Variants in RUNX1 observed in about 807,000 individuals in gnomAD.
RUNX1 encodes runt-related transcription factor 1.
RUNX1 carries 19 observed loss-of-function variants against 42.8 expected under a neutral mutation model. The ratio of observed to expected loss-of-function variants is 0.44; its 90% CI spans 0.31 to 0.65. The LOEUF (loss-of-function observed/expected upper bound fraction) is 0.65, where lower values mean the gene tolerates loss of function less well. RUNX1 is among the 30% of genes least tolerant of loss of function. RUNX1 has a pLI of 0.07. For synonymous variants in RUNX1, 271 were observed against 289.4 expected, an observed-to-expected ratio of 0.94 and a Z score of 0.64; for missense variants, 528 against 672.0, an observed-to-expected ratio of 0.79 and a Z score of 2.37.
rs2058752295 is a variant in RUNX1 at position 34,970,123 on chromosome 21, CTTTTTCATGCCTTCAGATAAGACT to C, written c.59-77184_59-77161del. On this transcript the variant is annotated intron_variant, in intron 2 of 8. Transcript: ENST00000675419. The stretch of plus-strand genomic sequence containing the variant: ...TTTATGTGGGCTACGGTATTTAACA[CTTTTTCATGCCTTCAGATAAGACT>C]TTGTGCAGCTAAATGAAATAGATGC... Among the ~76,000 whole-genome samples the C allele has an allele frequency of 2.6e-5, 4 of 152,218 alleles. No individual in the cohort carries two copies. In the South Asian group the frequency reaches 8.3e-4, roughly 31 times the overall value.
chr21:34,893,099 A>G (rs1217548481), intron 2 of RUNX1, 136 bp from the exon 3 acceptor site: 7 of 658,664 alleles, frequency 1.1e-5, no homozygotes, highest in Admixed American at 2.7e-5. Context: ...TGACACAAAA[A>G]TGACTTGAAA....
At chr21:34,872,754 C>G (rs1238891752) in intron 5 of RUNX1, among the ~76,000 whole-genome samples, 1 of 152,090 alleles carries the variant, frequency 6.6e-6, no homozygotes, top group Non-Finnish European at 1.5e-5. Context: ...GGGAGGCTGT[C>G]AGGTTCATGG....
At chr21:35,040,363 A>G (rs1379491904) in intron 2 of RUNX1, among the ~76,000 whole-genome samples, 1 of 152,230 alleles carries the variant, frequency 6.6e-6, no homozygotes, top group African/African-American at 2.4e-5. Context: ...TGGGGCAGTA[A>G]TAAGAAACAA....
rs187215965 is a variant in RUNX1, at chr21:34,840,977, G to A, written c.614-6376C>T. On this transcript the variant is annotated intron_variant, in intron 6 of 8. Transcript: ENST00000675419. ...CATCCCAAGGCTGAGTCCAGAGGGA[G>A]TGGGACATTAAACACACCTTAAAAT... 5.3e-5 allele frequency among the ~76,000 whole-genome samples: 8 copies of A among 152,320 alleles called. No homozygotes were observed. In the East Asian group the frequency reaches 1.5e-3, roughly 29 times the overall value.
chr21:34,807,702 G>C (rs555531530), intron 7 of RUNX1, among the ~76,000 whole-genome samples: 10 of 152,310 alleles, frequency 6.6e-5, no homozygotes, highest in Admixed American at 2.0e-4. Flanking sequence ...TCAGGACTCA[G>C]AGATGTGAGT....
chr21:34,848,710 C>G (rs1000814118), intron 6 of RUNX1, among the ~76,000 whole-genome samples: 1 of 152,224 alleles, frequency 6.6e-6, no homozygotes, highest in Admixed American at 6.5e-5. Flanking sequence ...GCTGGGATTA[C>G]AGGCGTGAGC....
At chr21:34,800,252 T>G (rs73362842) in intron 7 of RUNX1, among the ~76,000 whole-genome samples, 2,920 of 152,354 alleles carry the variant, frequency 0.019, 89 homozygotes, top group African/African-American at 0.068. Flanking sequence ...TCAATTTGAC[T>G]CCAGCGTTCA....
intron 2 of RUNX1, among the ~76,000 whole-genome samples, chr21:34,997,976 T>C (rs745453023): frequency 8.5e-5 from 13 of 152,192 alleles, no homozygotes; most frequent in African/African-American, 1.4e-4. Flanking sequence ...GCTGAGCGTA[T>C]GGTCACCTGG....
intron 2 of RUNX1, among the ~76,000 whole-genome samples, chr21:34,930,270 G>GTGTGTGTGTGTATATATATATATATATA (rs372412304): frequency 8.1e-6 from 1 of 123,018 alleles, no homozygotes; most frequent in African/African-American, 3.8e-5. Flanking sequence ...GTGTGTGTAT[G>GTGTGTGTGTGTATATATATATATATATA]TATATATATA....
intron 4 of RUNX1, among the ~76,000 whole-genome samples, chr21:34,882,297 G>A (rs2057916790): frequency 6.6e-6 from 1 of 152,082 alleles, no homozygotes; most frequent in African/African-American, 2.4e-5. Context: ...TTATTCATTA[G>A]AACTGCTTCA....
At position 34,970,012 on chromosome 21, in the gene RUNX1, CA is replaced by C. The variant is rs1304345081; in HGVS notation, c.59-77050del. Among the ~76,000 whole-genome samples the C allele has an allele frequency of 3.9e-5, 6 of 152,194 alleles. 1 individual carries two copies. Among genetic ancestry groups the C allele is most frequent in the Non-Finnish European group, 7.4e-5 (5 of 68,024 alleles). Reference sequence around the variant, plus strand: ...TCCATAGATGTGAAGGGCTGGATGGCAGACGTTCATGTCTTCCTTCTCCAAG... The same window carrying C: ...TCCATAGATGTGAAGGGCTGGATGGCGACGTTCATGTCTTCCTTCTCCAAG... On this transcript the variant is annotated intron_variant, in intron 2 of 8. Coordinates refer to ENST00000675419, the MANE Select transcript of RUNX1 (RefSeq NM_001754.5).
chr21:34,930,282 A>G (rs1179498490), intron 2 of RUNX1, among the ~76,000 whole-genome samples: 1 of 141,870 alleles, frequency 7.0e-6, no homozygotes, highest in African/African-American at 2.8e-5. Context: ...ATATATATAT[A>G]TATATATATA....
rs148527932 is a variant in RUNX1 at position 34,954,490 on chromosome 21, G to C, written c.59-61527C>G. 4.8e-3 allele frequency among the ~76,000 whole-genome samples: 735 copies of C among 152,242 alleles called. 5 individuals are homozygous for C. The highest frequency in any genetic ancestry group is 0.017 in the African/African-American group (702 of 41,528). On this transcript the variant is annotated intron_variant, in intron 2 of 8. Coordinates refer to ENST00000675419, the MANE Select transcript of RUNX1 (RefSeq NM_001754.5). ...CTAACGATGCTAGGGAACTTCAGGA[G>C]CTTATGACATATCCCTGACTTCTCC...
chr21:34,815,636 G>A (rs1435724709), intron 7 of RUNX1, among the ~76,000 whole-genome samples: 1 of 152,102 alleles, frequency 6.6e-6, no homozygotes, highest in Non-Finnish European at 1.5e-5. Flanking sequence ...GGCCACACAG[G>A]GGCACATCTG....
chr21:34,805,204 AAAAG>A (rs987193335), intron 7 of RUNX1, among the ~76,000 whole-genome samples: 12 of 152,360 alleles, frequency 7.9e-5, no homozygotes, highest in Middle Eastern at 3.4e-3. Context: ...ATAAAGAGGA[AAAAG>A]AAAGAACATC....
chr21:34,850,145 G>A (rs2057396911), intron 6 of RUNX1, among the ~76,000 whole-genome samples: 1 of 152,214 alleles, frequency 6.6e-6, no homozygotes, highest in South Asian at 2.1e-4. Context: ...TGAAAGCACA[G>A]GAGTTGATGT....
intron 2 of RUNX1, among the ~76,000 whole-genome samples, chr21:34,985,940 A>C (rs2058883972): frequency 7.0e-6 from 1 of 142,444 alleles, no homozygotes; most frequent in Non-Finnish European, 1.5e-5. Flanking sequence ...TAGCACGATC[A>C]TGGTCGCTGC....
chr21:35,033,085 A>G (rs2059284218), intron 2 of RUNX1, among the ~76,000 whole-genome samples: 1 of 151,964 alleles, frequency 6.6e-6, no homozygotes, highest in Non-Finnish European at 1.5e-5. Flanking sequence ...TCATCCTTCT[A>G]TCTATCCATC....
chr21:34,910,139 T>C (rs1381991647), intron 2 of RUNX1, among the ~76,000 whole-genome samples: 1 of 152,230 alleles, frequency 6.6e-6, no homozygotes, highest in Non-Finnish European at 1.5e-5. Flanking sequence ...GCCATATTCC[T>C]AGTTCAGTGC....
Sources: gnomAD v4.1 joint callset for allele counts (sites outside exome capture counted in the v4.1 genomes callset) on GRCh38, gnomAD v4.1.1 for gene constraint, MANE v1.5 for transcripts, NCBI Gene and HGNC (gene_info 2026-07-23, HGNC 2026-07-21) for gene names.